Variants in SCMH1 observed in about 807,000 individuals in gnomAD.
The protein encoded by SCMH1 is Scm polycomb group protein homolog 1, also known as polycomb protein SCMH1.
SCMH1 carries 37 observed loss-of-function variants against 70.8 expected under a neutral mutation model. That is an observed-to-expected ratio of 0.52 (90% CI 0.40 to 0.69). The LOEUF is 0.69. Ranked by LOEUF, SCMH1 falls within the 30% of genes least tolerant of loss-of-function variation. The pLI, the probability that SCMH1 is intolerant of heterozygous loss-of-function variation, is 0.00. For missense variants in SCMH1, 607 were observed against 827.3 expected (o/e 0.73, Z 3.27); for synonymous variants, 292 against 307.4 (o/e 0.95, Z 0.52).
chr1:41,064,048 G>T (rs1194536771), intron 10 of SCMH1, among the ~76,000 whole-genome samples: 1 of 152,150 alleles, frequency 6.6e-6, no homozygotes, highest in East Asian at 1.9e-4. Context: ...TATACACTAT[G>T]ACCAAGTCAG....
intron 2 of SCMH1, among the ~76,000 whole-genome samples, chr1:41,170,497 C>A (rs1197790042): frequency 6.6e-6 from 1 of 152,166 alleles, no homozygotes; most frequent in East Asian, 1.9e-4. Flanking sequence ...TTGGTGCATT[C>A]ATGGGTGGAG....
intron 1 of SCMH1, among the ~76,000 whole-genome samples, chr1:41,236,112 T>C (rs936391612): frequency 1.1e-4 from 16 of 152,310 alleles, no homozygotes; most frequent in African/African-American, 3.9e-4. Context: ...GGAGTGGAAT[T>C]GCTAGATTGT....
At chr1:41,237,314 C>G (rs1662586200) in intron 1 of SCMH1, among the ~76,000 whole-genome samples, 1 of 152,186 alleles carries the variant, frequency 6.6e-6, no homozygotes, top group Non-Finnish European at 1.5e-5. Flanking sequence ...AATAAGATTA[C>G]TGCAAAGATT....
intron 4 of SCMH1, among the ~76,000 whole-genome samples, chr1:41,152,363 A>G (rs1227087717): frequency 6.6e-6 from 1 of 152,220 alleles, no homozygotes; most frequent in Non-Finnish European, 1.5e-5. Flanking sequence ...ATGATAGTAA[A>G]TAAGAACAAG....
chr1:41,237,656 A>G (rs958547488), intron 1 of SCMH1, among the ~76,000 whole-genome samples: 8 of 152,220 alleles, frequency 5.3e-5, no homozygotes, highest in Non-Finnish European at 8.8e-5. Flanking sequence ...TATTTTTAAC[A>G]AAGATACCAT....
intron 1 of SCMH1, among the ~76,000 whole-genome samples, chr1:41,239,285 T>C (rs1419717847): frequency 6.6e-6 from 1 of 152,186 alleles, no homozygotes; most frequent in Non-Finnish European, 1.5e-5. Flanking sequence ...TTTCTCACAT[T>C]GATGCCTTTG....
intron 8 of SCMH1, among the ~76,000 whole-genome samples, chr1:41,081,664 T>A (rs866508833): frequency 3.3e-5 from 5 of 151,972 alleles, no homozygotes; most frequent in Non-Finnish European, 5.9e-5. Flanking sequence ...AAAAATTTTT[T>A]AAAAAATTAG....
intron 6 of SCMH1, among the ~76,000 whole-genome samples, chr1:41,138,419 T>A (rs1643701798): frequency 6.6e-6 from 1 of 152,208 alleles, no homozygotes; most frequent in Non-Finnish European, 1.5e-5. Context: ...CATATACATA[T>A]CGTGTACATA....
chr1:41,215,256 C>T (rs1657848640), intron 1 of SCMH1, among the ~76,000 whole-genome samples: 1 of 152,064 alleles, frequency 6.6e-6, no homozygotes, highest in African/African-American at 2.4e-5. Context: ...ACTTCCATTC[C>T]ATCCTATAAA....
chr1:41,044,241 A>C (rs1439542787), intron 12 of SCMH1, among the ~76,000 whole-genome samples: 3 of 152,168 alleles, frequency 2.0e-5, no homozygotes, highest in Non-Finnish European at 4.4e-5. Context: ...CCCAGATAAC[A>C]GAGGTGGTAC....
intron 10 of SCMH1, among the ~76,000 whole-genome samples, chr1:41,060,018 A>C (rs950106412): frequency 6.6e-6 from 1 of 152,126 alleles, no homozygotes; most frequent in Non-Finnish European, 1.5e-5. Flanking sequence ...GAAAAAAAAA[A>C]ACCATAACAG....
intron 10 of SCMH1, among the ~76,000 whole-genome samples, chr1:41,060,482 T>C (rs1432845594): frequency 2.0e-5 from 3 of 147,394 alleles, no homozygotes; most frequent in Non-Finnish European, 1.5e-5. Context: ...AAAAGAAAAA[T>C]TGAGGGAGTG....
At chr1:41,226,630 T>C (rs6691802) in intron 1 of SCMH1, among the ~76,000 whole-genome samples, 12,641 of 152,166 alleles carry the variant, frequency 0.083, 704 homozygotes, top group South Asian at 0.15. Context: ...TTATATATGT[T>C]ACATTATTTA....
chr1:41,233,348 A>C (rs1232287218), intron 1 of SCMH1, among the ~76,000 whole-genome samples: 1 of 152,200 alleles, frequency 6.6e-6, no homozygotes, highest in Non-Finnish European at 1.5e-5. Flanking sequence ...TGAAAAATCC[A>C]CTAAACTAGC....
chr1:41,119,450 A>C lies in SCMH1; in HGVS notation c.413-2440T>G, dbSNP rs1012494068. Among the ~76,000 whole-genome samples the C allele has an allele frequency of 1.3e-4, 10 of 77,794 alleles. No homozygotes were observed. In the East Asian group the frequency reaches 1.3e-3, roughly 10 times the overall value. The allele number at this position is 77,794 out of a possible 152,430, so 51.0% of individuals were successfully genotyped here. A position where few individuals can be genotyped will look rare whatever the true frequency, so the allele number is the denominator to read the frequency against. On this transcript the variant is annotated intron_variant, in intron 6 of 14. Transcript: ENST00000337495. The stretch of plus-strand genomic sequence containing the variant: ...TTTCCCTTTAGGGCAAAAAAAAAAC[A>C]AAAAAAAAAAAACCCCACCGTAACT...
At chr1:41,148,942 C>A (rs189619766) in intron 5 of SCMH1, among the ~76,000 whole-genome samples, 6 of 152,222 alleles carry the variant, frequency 3.9e-5, no homozygotes, top group Non-Finnish European at 5.9e-5. Context: ...AGGTGCCCTT[C>A]ACCATGCCCG....
At chr1:41,156,166 T>C (rs1484138025) in intron 4 of SCMH1, among the ~76,000 whole-genome samples, 1 of 152,152 alleles carries the variant, frequency 6.6e-6, no homozygotes, top group Non-Finnish European at 1.5e-5. Flanking sequence ...GTCCTAGATA[T>C]ATCTAATCTC....
chr1:41,100,573 T>C lies in SCMH1; in HGVS notation c.745+12710A>G, dbSNP rs796142764. Among the ~76,000 whole-genome samples the C allele has an allele frequency of 1.7e-4, 17 of 99,728 alleles. No homozygotes were observed. In the Middle Eastern group the frequency reaches 0.029, roughly 173 times the overall value. The allele number at this position is 99,728 out of a possible 152,430, so 65.4% of individuals were successfully genotyped here. A position where few individuals can be genotyped will look rare whatever the true frequency, so the allele number is the denominator to read the frequency against. On this transcript the variant is annotated intron_variant, in intron 8 of 14. Coordinates refer to ENST00000337495, the Ensembl canonical transcript of SCMH1. ...AGCCTTTTCTTTTCTTTTTCTTTTT[T>C]TTTTTTTTTTGAGACGGAGTCTCAC...
intron 13 of SCMH1, among the ~76,000 whole-genome samples, chr1:41,034,838 A>C (rs1645069402): frequency 6.6e-6 from 1 of 151,926 alleles, no homozygotes. Flanking sequence ...CTTCCTTCTC[A>C]CTGTTACTCA....
Sources: allele counts gnomAD v4.1 joint callset (sites outside exome capture counted in the v4.1 genomes callset), GRCh38; gene constraint gnomAD v4.1.1; transcripts MANE v1.5; gene names NCBI Gene and HGNC (gene_info 2026-07-23, HGNC 2026-07-21).